The following RGS5 variants were observed in gnomAD, a reference collection of about 807,000 sequenced individuals.
RGS5 encodes regulator of G protein signaling 5.
Under a neutral mutation model 18.9 loss-of-function variants are expected in RGS5, and 20 were observed. The ratio of observed to expected loss-of-function variants is 1.06; its 90% confidence interval spans 0.74 to 1.54. The LOEUF (loss-of-function observed/expected upper bound fraction) is 1.54, where lower values mean the gene tolerates loss of function less well. Among genes scored for constraint, RGS5 ranks in the 40% most tolerant of loss-of-function variants. The pLI, the probability that RGS5 is intolerant of heterozygous loss-of-function variation, is 0.00. For synonymous variants in RGS5, 57 were observed against 76.2 expected (o/e 0.75, Z 1.31); for missense variants, 201 against 211.8 (o/e 0.95, Z 0.32).
At chr1:163,216,209 C>G (rs1016027737) in intron 1 of RGS5, among the ~76,000 whole-genome samples, 2 of 152,168 alleles carry the variant, frequency 1.3e-5, no homozygotes, top group Non-Finnish European at 1.5e-5. Flanking sequence ...CTCCTTACCC[C>G]GTCTCAGCCC....
In RGS5 at chr1:163,210,067, A is replaced by C. The variant is rs548284657; in HGVS notation, c.69+7459T>G. Reference sequence around the variant, plus strand: ...TGCAGTGGTGCAATCTCAGCTCACTATAACCTCTGCTTGTTAGGCTCAAGT... The same window carrying C: ...TGCAGTGGTGCAATCTCAGCTCACTCTAACCTCTGCTTGTTAGGCTCAAGT... On this transcript the variant is annotated intron_variant, in intron 1 of 5. Coordinates refer to the RGS5 transcript ENST00000367903. 5.3e-5 allele frequency among the ~76,000 whole-genome samples: 8 copies of C among 151,864 alleles called. No homozygotes were observed. The South Asian group carries it at 1.7e-3, about 32-fold the overall frequency.
chr1:163,288,398 G>C, intron 2 of RGS5, among the ~76,000 whole-genome samples: 1 of 152,160 alleles, frequency 6.6e-6, no homozygotes, highest in Non-Finnish European at 1.5e-5. Flanking sequence ...ACTGTGCAAC[G>C]TGTTGTGCAG....
At chr1:163,179,647 T>C (rs1658719734) in intron 1 of RGS5, among the ~76,000 whole-genome samples, 1 of 152,196 alleles carries the variant, frequency 6.6e-6, no homozygotes, top group African/African-American at 2.4e-5. Context: ...ATCTTGAATA[T>C]GTTATTTGAG....
At chr1:163,195,403 A>C (rs1429165916) in intron 1 of RGS5, among the ~76,000 whole-genome samples, 1 of 150,832 alleles carries the variant, frequency 6.6e-6, no homozygotes, top group Admixed American at 6.6e-5. Flanking sequence ...GAGTGATATA[A>C]TGGACTGTGG....
At chr1:163,295,446 T>C (rs527887760) in intron 2 of RGS5, among the ~76,000 whole-genome samples, 4 of 152,338 alleles carry the variant, frequency 2.6e-5, no homozygotes, top group South Asian at 2.1e-4. Context: ...AGTTTCTCGA[T>C]TGTGAAACTT....
chr1:163,242,809 G>A (rs1647824220), intron 2 of RGS5, among the ~76,000 whole-genome samples: 1 of 152,138 alleles, frequency 6.6e-6, no homozygotes. Context: ...TTTTCTATAG[G>A]GAACCTCTAA....
At chr1:163,216,539 G>A (rs780658615) in intron 1 of RGS5, among the ~76,000 whole-genome samples, 10 of 152,176 alleles carry the variant, frequency 6.6e-5, no homozygotes, top group African/African-American at 1.2e-4. Context: ...ATAACTAGGC[G>A]GATTGACTTC....
chr1:163,314,238 T>C (rs910539185), intron 1 of RGS5, among the ~76,000 whole-genome samples: 4 of 152,148 alleles, frequency 2.6e-5, no homozygotes, highest in African/African-American at 9.7e-5. Context: ...ATTTTGAATA[T>C]ATATGGTCAA....
chr1:163,296,645 T>C (rs910924699), intron 2 of RGS5, among the ~76,000 whole-genome samples: 9 of 152,184 alleles, frequency 5.9e-5, no homozygotes, highest in South Asian at 2.1e-4. Context: ...AACTAGGTTA[T>C]AGTTTATTCT....
chr1:163,163,256 TTA>T (rs1657889017), intron 2 of RGS5, among the ~76,000 whole-genome samples: 1 of 152,188 alleles, frequency 6.6e-6, no homozygotes, highest in Admixed American at 6.5e-5. Flanking sequence ...TGAGTCCTGA[TTA>T]TATGATTTTT....
chr1:163,228,744 C>A (rs1437343357), intron 2 of RGS5, among the ~76,000 whole-genome samples: 1 of 152,180 alleles, frequency 6.6e-6, no homozygotes, highest in African/African-American at 2.4e-5. Flanking sequence ...CAATGCTTTG[C>A]CACTTAGAAA....
chr1:163,268,889 A>G (rs1451431940), intron 2 of RGS5, among the ~76,000 whole-genome samples: 2 of 152,018 alleles, frequency 1.3e-5, no homozygotes, highest in Non-Finnish European at 2.9e-5. Flanking sequence ...TCTCATGACA[A>G]TCATTTCCAT....
At chr1:163,275,965 A>T (rs1648841912) in intron 2 of RGS5, among the ~76,000 whole-genome samples, 1 of 152,130 alleles carries the variant, frequency 6.6e-6, no homozygotes, top group Non-Finnish European at 1.5e-5. Context: ...AATAGCTCGT[A>T]AAATAAGAGT....
intron 2 of RGS5, among the ~76,000 whole-genome samples, chr1:163,271,960 TG>T (rs1648729844): frequency 6.6e-6 from 1 of 152,100 alleles, no homozygotes; most frequent in Non-Finnish European, 1.5e-5. Flanking sequence ...TGCTTTGTAT[TG>T]TCTTATTTAT....
chr1:163,293,595 T>G (rs1025006278), intron 2 of RGS5, among the ~76,000 whole-genome samples: 1 of 152,114 alleles, frequency 6.6e-6, no homozygotes, highest in Admixed American at 6.5e-5. Flanking sequence ...CCCTGGCCCC[T>G]CCCAAATCTC....
intron 1 of RGS5, among the ~76,000 whole-genome samples, chr1:163,198,425 T>C (rs1206130724): frequency 7.2e-5 from 11 of 152,138 alleles, no homozygotes. Flanking sequence ...CTGGTTCCTT[T>C]ATATTATGAT....
rs144199384 is a variant in RGS5 at position 163,147,729 on chromosome 1, T to C, written c.385-226A>G. 2.0e-4 allele frequency among the ~76,000 whole-genome samples: 31 copies of C among 152,190 alleles called. No individual in the cohort carries two copies. The East Asian group carries it at 4.5e-3, about 22-fold the overall frequency. On this transcript the variant is annotated intron_variant, in intron 4 of 4. Transcript: ENST00000313961. ...CACCCACCAGGTGTCAGACCTCCCA[T>C]AGAAGCTAACACACACATTACTTAT...
intron 2 of RGS5, among the ~76,000 whole-genome samples, chr1:163,275,054 T>C (rs904815539): frequency 2.6e-5 from 4 of 152,206 alleles, no homozygotes; most frequent in Admixed American, 2.6e-4. Flanking sequence ...AGGTTGAGGC[T>C]GCAGTGAGCT....
In RGS5 at chr1:163,215,786, C is replaced by A. The variant is rs1571298016; in HGVS notation, c.69+1740G>T. Among the ~76,000 whole-genome samples, 9 of 152,144 alleles carry A rather than the reference C, an allele frequency of 5.9e-5. No homozygotes were observed. The South Asian group carries it at 1.9e-3, about 32-fold the overall frequency. On this transcript the variant is annotated intron_variant, in intron 1 of 5. Coordinates refer to the RGS5 transcript ENST00000367903. ...AAACTACATTTAAAAGTTTTTGGGC[C>A]AGGCACAGTGGCTCACACCTGTAAT...
Sources: gnomAD v4.1 joint callset for allele counts (sites outside exome capture counted in the v4.1 genomes callset) on GRCh38, gnomAD v4.1.1 for gene constraint, MANE v1.5 for transcripts, NCBI Gene and HGNC (gene_info 2026-07-23, HGNC 2026-07-21) for gene names.